Variants in NF1 observed in about 807,000 individuals in gnomAD.
NF1 encodes neurofibromin 1.
A neutral mutation model predicts 325.7 loss-of-function variants in NF1; 122 were observed. The observed-to-expected ratio is 0.37, with a 90% CI of 0.32 to 0.44. NF1 has a LOEUF of 0.44. Among genes scored for constraint, NF1 ranks in the 20% least tolerant of loss-of-function variants. The probability of loss-of-function intolerance (pLI) is 1.00; values close to 1 mark genes in which losing one functional copy is unlikely to be tolerated. For missense variants in NF1, 2,140 were observed against 3,415.4 expected (o/e 0.63, Z 9.31); for synonymous variants, 1,091 against 1,186.0 (o/e 0.92, Z 1.65).
intron 29 of NF1, among the ~76,000 whole-genome samples, chr17:31,242,699 T>G (rs2067321612): frequency 1.3e-5 from 2 of 152,202 alleles, no homozygotes. Context: ...TTCTCCACAT[T>G]ATCATGGATT....
At chr17:31,221,807 G>C (rs756069396) in intron 14 of NF1, 43 bp from the exon 15 acceptor site, 23 of 1,394,844 alleles carry the variant, frequency 1.6e-5, no homozygotes, top group Non-Finnish European at 1.9e-5. Context: ...AAAAATGTTT[G>C]AGTGAGTCTT....
At chr17:31,360,973 A>G in intron 57 of NF1, 1 of 498,320 alleles carries the variant, frequency 2.0e-6, no homozygotes, top group Middle Eastern at 5.8e-4. Flanking sequence ...AGGAAGAGGA[A>G]CTTAAAACAC....
At chr17:31,355,058 TATCTAAG>T (rs2070238573) in intron 51 of NF1, among the ~76,000 whole-genome samples, 1 of 152,218 alleles carries the variant, frequency 6.6e-6, no homozygotes, top group Non-Finnish European at 1.5e-5. Context: ...TATGAGTATA[TATCTAAG>T]AGATAAACCA....
intron 36 of NF1, among the ~76,000 whole-genome samples, chr17:31,292,361 A>G (rs539259402): frequency 6.6e-6 from 1 of 152,330 alleles, no homozygotes; most frequent in East Asian, 1.9e-4. Context: ...GCAAATAATG[A>G]GCCTTTTTCC....
At chr17:31,194,265 T>C (rs1259742267) in intron 8 of NF1, among the ~76,000 whole-genome samples, 2 of 152,138 alleles carry the variant, frequency 1.3e-5, no homozygotes, top group Admixed American at 6.6e-5. Flanking sequence ...GGACATTATA[T>C]TAAGTGAAAT....
chr17:31,152,549 T>G (rs900593795), intron 1 of NF1, among the ~76,000 whole-genome samples: 7 of 149,964 alleles, frequency 4.7e-5, no homozygotes, highest in Non-Finnish European at 8.9e-5. Flanking sequence ...GTCCCCCCTT[T>G]TTTTTCAACA....
At chr17:31,366,171 G>A (rs547604784) in intron 57 of NF1, among the ~76,000 whole-genome samples, 1 of 152,074 alleles carries the variant, frequency 6.6e-6, no homozygotes, top group East Asian at 1.9e-4. Flanking sequence ...CTGACCTTGT[G>A]ATCCTCCCAC....
In NF1 at chr17:31,336,913, T is replaced by C. The variant is rs1060500251; in HGVS notation, c.6426T>C (p.Ser2142=). 1.2e-6 allele frequency: 2 copies of C among 1,608,926 alleles called. No homozygotes were observed. Among genetic ancestry groups the C allele is most frequent in the Non-Finnish European group, 1.7e-6 (2 of 1,179,924 alleles). ...GTACTTGTTCACAGCTTCATTTTAG[T>C]GGTAAGTTCTAGGAAAGGAATTTGT... ...SLCTCSQLHF[S]EETKQVLRLS... The change falls in exon 42 of 58, where the codon AGT becomes AGC. Residue 2142 remains serine (S), a splice_region_variant and synonymous_variant. Coordinates refer to ENST00000358273, the MANE Select transcript of NF1 (RefSeq NM_001042492.3). The surrounding 1 kb of genome is among the most constrained non-coding windows in gnomAD (Gnocchi z 5.5).
intron 4 of NF1, among the ~76,000 whole-genome samples, chr17:31,164,344 G>A (rs1383008856): frequency 6.6e-6 from 1 of 152,218 alleles, no homozygotes; most frequent in Non-Finnish European, 1.5e-5. Flanking sequence ...TACAGGTGGA[G>A]AAATTAGTAT....
chr17:31,342,488 G>A (rs1445682548), intron 47 of NF1, among the ~76,000 whole-genome samples: 1 of 152,126 alleles, frequency 6.6e-6, no homozygotes, highest in Non-Finnish European at 1.5e-5. Flanking sequence ...CAGCGACCTG[G>A]GAGGCTGAGG....
At chr17:31,260,743 G>T (rs1000449259) in intron 34 of NF1, among the ~76,000 whole-genome samples, 1 of 151,926 alleles carries the variant, frequency 6.6e-6, no homozygotes, top group Non-Finnish European at 1.5e-5. Flanking sequence ...TTATTTTTTT[G>T]TCAGGTTAAG....
intron 36 of NF1, among the ~76,000 whole-genome samples, chr17:31,274,490 A>T (rs749345475): frequency 1.3e-5 from 2 of 152,166 alleles, no homozygotes; most frequent in Admixed American, 1.3e-4. Context: ...TTTCCCCTGA[A>T]TGAATAAACC....
chr17:31,251,144 CT>C (rs2067486724), intron 30 of NF1: 1 of 199,192 alleles, frequency 5.0e-6, no homozygotes, highest in East Asian at 7.8e-5. Context: ...TAGTTTATTT[CT>C]TTTGGTTTGC....
intron 1 of NF1, among the ~76,000 whole-genome samples, chr17:31,097,581 A>G (rs920038300): frequency 5.3e-5 from 8 of 151,958 alleles, no homozygotes; most frequent in Non-Finnish European, 1.0e-4. Context: ...TGTTATGCAT[A>G]TTGTGGAATC....
chr17:31,283,123 G>A (rs995116005), intron 36 of NF1, among the ~76,000 whole-genome samples: 1 of 152,102 alleles, frequency 6.6e-6, no homozygotes, highest in Non-Finnish European at 1.5e-5. Context: ...TTCAATGATA[G>A]TATTAAAACT....
chr17:31,362,283 T>A, intron 57 of NF1: 5 of 985,402 alleles, frequency 5.1e-6, no homozygotes, highest in Non-Finnish European at 6.0e-6. Flanking sequence ...TTACTTTTTT[T>A]ACAGATACTG....
intron 36 of NF1, chr17:31,304,048 T>A: frequency 2.2e-6 from 1 of 449,910 alleles, no homozygotes; most frequent in South Asian, 3.7e-5. Flanking sequence ...GTACTATACT[T>A]TAAAGATAGG....
intron 29 of NF1, among the ~76,000 whole-genome samples, chr17:31,241,845 T>C (rs1276527394): frequency 6.6e-6 from 1 of 152,344 alleles, no homozygotes; most frequent in East Asian, 1.9e-4. Flanking sequence ...ATTTTGTACC[T>C]TCAGATTTCT....
At chr17:31,187,268 G>A (rs1292947071) in intron 8 of NF1, among the ~76,000 whole-genome samples, 1 of 152,070 alleles carries the variant, frequency 6.6e-6, no homozygotes, top group African/African-American at 2.4e-5. Context: ...GCGCGATCTC[G>A]GCTCACTGCA....
Sources: allele counts gnomAD v4.1 joint callset (sites outside exome capture counted in the v4.1 genomes callset), GRCh38; gene constraint gnomAD v4.1.1; non-coding constraint Gnocchi (gnomAD v3.1); transcripts MANE v1.5; gene names NCBI Gene and HGNC (gene_info 2026-07-23, HGNC 2026-07-21).